RBM42: variants seen among roughly 807,000 people sequenced by gnomAD.
RBM42 encodes RNA-binding protein 42.
In RBM42, 21 loss-of-function variants were observed where a neutral mutation model predicts 41.4. The ratio of observed to expected loss-of-function variants is 0.51; its 90% CI spans 0.36 to 0.73. RBM42 has a LOEUF of 0.73. Ranked by LOEUF, RBM42 falls within the 30% of genes least tolerant of loss-of-function variation. RBM42 has a pLI of 0.00. For synonymous variants in RBM42, 272 were observed against 271.2 expected, an observed-to-expected ratio of 1.00 and a Z score of -0.03; for missense variants, 539 against 680.4, an observed-to-expected ratio of 0.79 and a Z score of 2.31.
At position 35,637,077 on chromosome 19, in the gene RBM42, G is replaced by A. The variant is rs1034507623; in HGVS notation, c.1136-81G>A. The A allele has an allele frequency of 1.5e-5, 20 of 1,342,680 alleles. No homozygotes were observed. Among genetic ancestry groups the A allele is most frequent in the Admixed American group, 1.1e-4 (5 of 45,548 alleles). 83.2% of individuals were successfully genotyped at this position (1,342,680 alleles called of 1,614,324 possible). ...CCCTAGGCAGAGACTAGATACCTCC[G>A]AAAAGGTGGGATCGTTCAGACAAGG... is the stretch of plus-strand genomic sequence containing the variant. On this transcript the variant is annotated intron_variant, in intron 8 of 9. Coordinates refer to ENST00000262633, the MANE Select transcript of RBM42 (RefSeq NM_024321.5). This position sits in a 1 kb window ranked among gnomAD's most constrained non-coding sequence, Gnocchi z 7.0.
At chr19:35,632,303 C>T (rs1348319308) in intron 4 of RBM42, among the ~76,000 whole-genome samples, 2 of 152,110 alleles carry the variant, frequency 1.3e-5, no homozygotes, top group Admixed American at 6.5e-5. Context: ...CATGGCTCAG[C>T]CAAGAATGCT....
At chr19:35,630,991 T>C in intron 2 of RBM42, 149 bp from the exon 3 acceptor site, 1 of 682,230 alleles carries the variant, frequency 1.5e-6, no homozygotes, top group South Asian at 1.7e-5. Context: ...CCAAAAAGCC[T>C]CCCCGAGAAG....
At chr19:35,632,430 G>A (rs1599606104) in intron 4 of RBM42, among the ~76,000 whole-genome samples, 2 of 152,170 alleles carry the variant, frequency 1.3e-5, no homozygotes, top group East Asian at 1.9e-4. Flanking sequence ...AAAGGGAAAG[G>A]TTTTGCTTAT....
chr19:35,634,179 G>A, intron 7 of RBM42, 77 bp from the exon 8 acceptor site: 1 of 1,567,146 alleles, frequency 6.4e-7, no homozygotes, highest in Non-Finnish European at 8.7e-7. Context: ...TACTGTGGTG[G>A]CAGGAGGGCC....
chr19:35,636,149 TTTTG>T (rs1468445325), intron 8 of RBM42, among the ~76,000 whole-genome samples: 3 of 151,164 alleles, frequency 2.0e-5, no homozygotes, highest in East Asian at 1.9e-4. Flanking sequence ...TTGTTTCTTC[TTTTG>T]TTTTTTTTTT....
At chr19:35,636,168 C>CT (rs1311588710) in intron 8 of RBM42, among the ~76,000 whole-genome samples, 15 of 119,738 alleles carry the variant, frequency 1.3e-4, no homozygotes, top group Middle Eastern at 4.2e-3. Flanking sequence ...TTTTTTTTTT[C>CT]TTTTTTTTGA....
intron 8 of RBM42, among the ~76,000 whole-genome samples, chr19:35,635,992 T>C (rs962815865): frequency 6.6e-6 from 1 of 152,120 alleles, no homozygotes; most frequent in Non-Finnish European, 1.5e-5. Context: ...ACAGACGCCA[T>C]GGGGCAGCCG....
intron 8 of RBM42, among the ~76,000 whole-genome samples, chr19:35,635,146 G>T (rs533974341): frequency 6.6e-6 from 1 of 151,084 alleles, no homozygotes; most frequent in African/African-American, 2.4e-5. Flanking sequence ...GAAATCCCGT[G>T]TCTCTAAAAA....
At chr19:35,634,516 C>A in intron 8 of RBM42, 143 bp downstream of exon 8, 1 of 606,462 alleles carries the variant, frequency 1.6e-6, no homozygotes, top group Non-Finnish European at 2.9e-6. Context: ...GAGGCTATGG[C>A]TCAGGGGCTG....
chr19:35,633,025 C>T, intron 5 of RBM42, 24 bp downstream of exon 5: 2 of 1,603,742 alleles, frequency 1.2e-6, no homozygotes, highest in Non-Finnish European at 1.7e-6. Context: ...GTCATCATCC[C>T]TGCCACATAA....
chr19:35,632,886 C>T (rs772946619), intron 4 of RBM42, 50 bp from the exon 5 acceptor site: 1 of 792,636 alleles, frequency 1.3e-6, no homozygotes, highest in Non-Finnish European at 2.3e-6. Flanking sequence ...CACCTTGTCC[C>T]AAGTGCCCCT....
chr19:35,634,001 A>T lies in RBM42; in HGVS notation c.999A>T (p.Pro333=). The change falls in exon 7 of 10, where the codon CCA becomes CCT. Residue 333 remains proline, a synonymous_variant. Transcript: ENST00000262633. ...GGCCCCCTCGGCCAGAGCCACCCCC[A>T]GGCCTCATGGCTCTTGAGGTAAGCA... ...RPRPPRPEPP[P]GLMALEVPEP... is the part of the protein sequence containing the mutation. The T allele has an allele frequency of 6.6e-7, 1 of 1,520,930 alleles. No homozygotes were observed. 94.2% of individuals were successfully genotyped at this position (1,520,930 alleles called of 1,614,324 possible). A position where few individuals can be genotyped will look rare whatever the true frequency, so the allele number is the denominator to read the frequency against.
intron 1 of RBM42, 107 bp from the exon 2 acceptor site, chr19:35,629,413 C>T (rs1967365250): frequency 1.3e-6 from 2 of 1,533,668 alleles, no homozygotes; most frequent in South Asian, 1.2e-5. Flanking sequence ...ATTGTGGGGG[C>T]GGGGATAGGG....
chr19:35,633,959 C>T lies in RBM42; in HGVS notation c.957C>T (p.Ser319=). Residue 319 remains serine, a synonymous_variant, in exon 7 of 10, where the codon TCC becomes TCT. Coordinates refer to ENST00000262633, the MANE Select transcript of RBM42 (RefSeq NM_024321.5). ...CGCTGCGCATTCCTGAACTCCTGTC[C>T]CTGCGTCCTCGGCCCCGGCCCCCTC... ...LPPLRIPELL[S]LRPRPRPPRP... 1 of 1,560,878 alleles carries T rather than the reference C, an allele frequency of 6.4e-7. No individual in the cohort carries two copies. The highest frequency in any genetic ancestry group is 1.4e-5 in the African/African-American group (1 of 73,598).
Position 35,629,157 on chromosome 19 carries a change from G to A in RBM42, c.4G>A (p.Ala2Thr). The A allele has an allele frequency of 6.6e-7, 1 of 1,521,044 alleles. No homozygotes were observed. Among genetic ancestry groups the A allele is most frequent in the Non-Finnish European group, 8.8e-7 (1 of 1,138,736 alleles). The allele number at this position is 1,521,044 out of a possible 1,614,324, so 94.2% of individuals were successfully genotyped here. A position where few individuals can be genotyped will look rare whatever the true frequency, so the allele number is the denominator to read the frequency against. M[A>T]GAGPAPGLPG... is the part of the protein sequence containing the mutation. The stretch of plus-strand genomic sequence containing the variant: ...GGCGACAGCGACGACGGCAGCGATG[G>A]CTGGGGCGGGGCCAGCCCCGGGACT... The change falls in exon 1 of 10, where the codon GCT (alanine) becomes ACT (threonine). Residue 2 changes from alanine to threonine, a missense_variant. This residue lies in a region of RBM42 where 429 missense variants were observed against 488.9 expected (regional missense o/e 0.88). Coordinates refer to ENST00000262633, the MANE Select transcript of RBM42 (RefSeq NM_024321.5).
Position 35,633,941 on chromosome 19 carries a change from C to A in RBM42, c.939C>A (p.Arg313=). ...EVVRGLLPPL[R]IPELLSLRPR... ...TCCGCGGCCTCCTGCCCCCGCTGCG[C>A]ATTCCTGAACTCCTGTCCCTGCGTC... Residue 313 remains arginine (R), a synonymous_variant, in exon 7 of 10, where the codon CGC becomes CGA. Transcript: ENST00000262633. 1 of 1,577,136 alleles carries A rather than the reference C, an allele frequency of 6.3e-7. No homozygotes were observed. The highest frequency in any genetic ancestry group is 2.3e-5 in the East Asian group (1 of 44,016).
At chr19:35,629,765 G>A (rs1014221613) in intron 2 of RBM42, 92 bp downstream of exon 2, 2 of 1,374,606 alleles carry the variant, frequency 1.5e-6, no homozygotes, top group Admixed American at 2.0e-5. Flanking sequence ...GTTTTGGCTT[G>A]TTGACTAATT....
At position 35,629,082 on chromosome 19, in the gene RBM42, A is replaced by C. The variant is rs1178554654; in HGVS notation, c.-72A>C. 1.4e-6 allele frequency: 2 copies of C among 1,454,610 alleles called. No individual in the cohort carries two copies. Among genetic ancestry groups the C allele is most frequent in the African/African-American group, 1.5e-5 (1 of 68,788 alleles). The allele number at this position is 1,454,610 out of a possible 1,614,324, so 90.1% of individuals were successfully genotyped here. On this transcript the variant is annotated 5_prime_UTR_variant, in exon 1 of 10. Coordinates refer to ENST00000262633, the MANE Select transcript of RBM42 (RefSeq NM_024321.5). ...CGGGAGCCCACCCGGACGAAGGGGG[A>C]GAGTAGACAGCAGAACCAGCGGCGG...
chr19:35,631,146 C>T lies in RBM42; in HGVS notation c.289C>T (p.Gln97Ter). 3 of 1,614,002 alleles carry T rather than the reference C, an allele frequency of 1.9e-6. No homozygotes were observed. The highest frequency in any genetic ancestry group is 2.5e-6 in the Non-Finnish European group (3 of 1,179,962). The change falls in exon 3 of 10, where the codon CAG becomes TAG. Residue 97 changes from glutamine to a stop codon, truncating the protein, a stop_gained. Coordinates refer to ENST00000262633, the MANE Select transcript of RBM42 (RefSeq NM_024321.5). LOFTEE classifies it high-confidence loss of function. ...IATNTYQQVQ[Q>*]TLEARAAAAA... ...CTGACCTCTTCCTCGACAGGTCCAG[C>T]AGACTCTGGAGGCCCGAGCAGCTGC...
Sources: gnomAD v4.1 joint callset for allele counts (sites outside exome capture counted in the v4.1 genomes callset) on GRCh38, gnomAD v4.1.1 for gene constraint, gnomAD v4.1.1 regional missense constraint, Gnocchi (gnomAD v3.1) non-coding constraint, MANE v1.5 for transcripts, NCBI Gene and HGNC (gene_info 2026-07-23, HGNC 2026-07-21) for gene names.